The following MEI1 variants were observed in gnomAD, a reference collection of about 807,000 sequenced individuals.
The protein encoded by MEI1 is meiotic double-stranded break formation protein 1.
In MEI1, 103 loss-of-function variants were observed where a neutral mutation model predicts 146.2. That is an observed-to-expected ratio of 0.70 (90% CI 0.60 to 0.83). The LOEUF is 0.83. Among genes scored for constraint, MEI1 ranks in the 40% least tolerant of loss-of-function variants. The pLI is 0.00. For missense variants in MEI1, 1,529 were observed against 1,533.0 expected (o/e 1.00, Z 0.04); for synonymous variants, 652 against 628.2 (o/e 1.04, Z -0.57).
rs1395250427 is a variant in MEI1 at position 41,699,554 on chromosome 22, G to A, written c.16G>A (p.Ala6Thr). 1.2e-6 allele frequency: 2 copies of A among 1,611,634 alleles called. No homozygotes were observed. The highest frequency in any genetic ancestry group is 1.3e-5 in the African/African-American group (1 of 74,836). MAVRQ[A>T]ATAGTPGPRR... ...AAGCGAGGAGATGGCTGTGAGGCAG[G>A]CGGCGACGGCGGGCACTCCCGGGCC... Residue 6 changes from alanine to threonine, a missense_variant, in exon 1 of 31, where the codon GCG becomes ACG. Ala to Thr is a moderately conservative substitution (Grantham distance 58, BLOSUM62 0). This residue lies in a region of MEI1 where 1,212 missense variants were observed against 1,178.9 expected (regional missense o/e 1.03). Transcript: ENST00000401548.
chr22:41,734,212 G>A (rs2072122532), intron 11 of MEI1, among the ~76,000 whole-genome samples: 1 of 152,232 alleles, frequency 6.6e-6, no homozygotes, highest in Admixed American at 6.5e-5. Flanking sequence ...ACCATTTTAT[G>A]TAAGGAGCTT....
intron 14 of MEI1, 113 bp from the exon 15 acceptor site, chr22:41,747,994 G>T (rs916040287): frequency 7.0e-6 from 5 of 710,916 alleles, no homozygotes; most frequent in South Asian, 3.4e-5. Flanking sequence ...CCTAGCTTTT[G>T]TTGTGTCTTT....
intron 11 of MEI1, among the ~76,000 whole-genome samples, chr22:41,733,985 G>A (rs545797582): frequency 4.6e-5 from 7 of 151,620 alleles, no homozygotes; most frequent in South Asian, 4.2e-4. Flanking sequence ...AAAATTAGCC[G>A]GATGTGGTGT....
rs868043945 is a variant in MEI1 at position 41,786,012 on chromosome 22, G to A, written c.3345+1229G>A. 8.1e-4 allele frequency among the ~76,000 whole-genome samples: 117 copies of A among 144,424 alleles called. 3 individuals carry two copies. In the South Asian group the frequency reaches 0.018, roughly 22 times the overall value. 94.7% of individuals were successfully genotyped at this position (144,424 alleles called of 152,430 possible). On this transcript the variant is annotated intron_variant, in intron 26 of 30. Transcript: ENST00000401548. Reference sequence around the variant, plus strand: ...TGCAAGCTCCGCCTCCCGGGTTCACGCCATTCTCCTGCCTCAGCCTCCCGA... The same window carrying A: ...TGCAAGCTCCGCCTCCCGGGTTCACACCATTCTCCTGCCTCAGCCTCCCGA...
rs142109936 is a variant in MEI1, at chr22:41,746,642, T to C, written c.1680+616T>C. Among the ~76,000 whole-genome samples, 13 of 152,314 alleles carry C rather than the reference T, an allele frequency of 8.5e-5. No individual in the cohort carries two copies. In the East Asian group the frequency reaches 2.5e-3, roughly 29 times the overall value. ...AGGGCCAAGAGCTGCTGACTCTGGGTAACCTTGGATGAGTAACCTCCTGCT... is the reference window on the plus strand; with the variant it reads ...AGGGCCAAGAGCTGCTGACTCTGGGCAACCTTGGATGAGTAACCTCCTGCT... On this transcript the variant is annotated intron_variant, in intron 14 of 30. Transcript: ENST00000401548.
chr22:41,714,146 A>G, intron 4 of MEI1, 71 bp downstream of exon 4: 1 of 1,420,216 alleles, frequency 7.0e-7, no homozygotes, highest in Non-Finnish European at 9.7e-7. Flanking sequence ...AACCCTTTGA[A>G]CAAATGAGAG....
At chr22:41,709,406 A>G (rs986062923) in intron 3 of MEI1, 7 of 704,790 alleles carry the variant, frequency 9.9e-6, no homozygotes, top group African/African-American at 7.1e-5. Context: ...TTTGCAGACA[A>G]CCTTGTGGAT....
In MEI1 at chr22:41,716,355, C is replaced by CTTTTTTTTTT. The variant is rs6147630; in HGVS notation, c.529+238_529+247dup. Among the ~76,000 whole-genome samples, 87 of 118,562 alleles carry CTTTTTTTTTT rather than the reference C, an allele frequency of 7.3e-4. 1 individual carries two copies. The highest frequency in any genetic ancestry group is 1.1e-3 in the Non-Finnish European group (66 of 58,678). 77.8% of individuals were successfully genotyped at this position (118,562 alleles called of 152,430 possible). A position where few individuals can be genotyped will look rare whatever the true frequency, so the allele number is the denominator to read the frequency against. On this transcript the variant is annotated intron_variant, in intron 5 of 30. Transcript: ENST00000401548. ...TATTCTTGGACTATTTCCATTCATTCTTTTTTTTTTTTTTTTTTTTTTTTT... is the reference window on the plus strand; with the variant it reads ...TATTCTTGGACTATTTCCATTCATTCTTTTTTTTTTTTTTTTTTTTTTTTTTTTTTTTTTT...
chr22:41,726,519 AAG>A (rs1221883605), intron 7 of MEI1, among the ~76,000 whole-genome samples: 1 of 152,240 alleles, frequency 6.6e-6, no homozygotes, highest in Non-Finnish European at 1.5e-5. Flanking sequence ...AACTTCAAAA[AAG>A]AATATTTATT....
At chr22:41,789,364 A>G (rs984731826) in intron 26 of MEI1, among the ~76,000 whole-genome samples, 1 of 152,140 alleles carries the variant, frequency 6.6e-6, no homozygotes, top group African/African-American at 2.4e-5. Context: ...ATATCTCACT[A>G]TGTTGTCCAG....
chr22:41,737,918 AAT>A lies in MEI1; in HGVS notation c.1332-5160_1332-5159del, dbSNP rs1491214521. 7.9e-4 allele frequency among the ~76,000 whole-genome samples: 120 copies of A among 151,590 alleles called. 4 individuals carry two copies. In the South Asian group the frequency reaches 0.025, roughly 31 times the overall value. The stretch of plus-strand genomic sequence containing the variant: ...CAAGGTGCTTGAAATCTTAAAAAAT[AAT>A]AATAATAACCGAGGAAACCCATATT... On this transcript the variant is annotated intron_variant, in intron 11 of 30. Coordinates refer to ENST00000401548, the MANE Select transcript of MEI1 (RefSeq NM_152513.4).
rs183465473 is a variant in MEI1, at chr22:41,763,251, C to T, written c.2198C>T (p.Pro733Leu). The T allele has an allele frequency of 8.1e-6, 13 of 1,613,932 alleles. No homozygotes were observed. The highest frequency in any genetic ancestry group is 6.7e-5 in the Admixed American group (4 of 60,020). The part of the protein sequence containing the change: ...LSLQDQGERP[P>L]LVVFKASIYL... ...CTGCAGGACCAGGGCGAGCGCCCCC[C>T]ACTGGTGGTCTTCAAAGCCTCCATC... is the stretch of plus-strand genomic sequence containing the variant. The change falls in exon 19 of 31, where the codon CCA (proline) becomes CTA (leucine). Residue 733 changes from proline to leucine, a missense_variant. Physicochemically the swap from Pro to Leu is moderately conservative, Grantham distance 98. Transcript: ENST00000401548.
At position 41,752,211 on chromosome 22, in the gene MEI1, T is replaced by C. The variant is rs148676057; in HGVS notation, c.1793-380T>C. 3.5e-3 allele frequency among the ~76,000 whole-genome samples: 538 copies of C among 152,296 alleles called. 6 individuals carry two copies. The highest frequency in any genetic ancestry group is 5.8e-3 in the Admixed American group (88 of 15,284). Reference sequence around the variant, plus strand: ...GAAACTGGATTGTTTTCTATAAAACTGAAAGAAGGGATAGAAGGAGCAGAT... The same window carrying C: ...GAAACTGGATTGTTTTCTATAAAACCGAAAGAAGGGATAGAAGGAGCAGAT... On this transcript the variant is annotated intron_variant, in intron 15 of 30. Transcript: ENST00000401548.
intron 4 of MEI1, among the ~76,000 whole-genome samples, chr22:41,714,749 T>C (rs1216602393): frequency 6.6e-6 from 1 of 150,848 alleles, no homozygotes; most frequent in Non-Finnish European, 1.5e-5. Context: ...GGCGTGGTGG[T>C]GCATGCAAGT....
At position 41,729,526 on chromosome 22, in the gene MEI1, C is replaced by A. The variant is rs925099602; in HGVS notation, c.865-139C>A. The A allele has an allele frequency of 1.1e-4, 76 of 671,130 alleles. No homozygotes were observed. The African/African-American group carries it at 1.2e-3, about 10-fold the overall frequency. The allele number at this position is 671,130 out of a possible 1,614,324, so 41.6% of individuals were successfully genotyped here. On this transcript the variant is annotated intron_variant, in intron 7 of 30. Transcript: ENST00000401548. ...CCATAATCCATAACTGCTCTCCTGA[C>A]CACCATCCTTGTGCCTGGTGCCATG...
intron 20 of MEI1, among the ~76,000 whole-genome samples, chr22:41,772,234 A>C (rs979833032): frequency 2.0e-5 from 3 of 151,822 alleles, no homozygotes; most frequent in Non-Finnish European, 4.4e-5. Context: ...ATTTATTTTT[A>C]TTTTTTTTCT....
intron 17 of MEI1, among the ~76,000 whole-genome samples, chr22:41,756,566 C>G (rs2074105957): frequency 6.6e-6 from 1 of 152,022 alleles, no homozygotes; most frequent in South Asian, 2.1e-4. Context: ...CTCCACCTCC[C>G]GGGTTCAAGC....
In MEI1 at chr22:41,702,741, G is replaced by A. The variant is rs5751138; in HGVS notation, c.175-590G>A. On this transcript the variant is annotated intron_variant, in intron 1 of 30. Coordinates refer to ENST00000401548, the MANE Select transcript of MEI1 (RefSeq NM_152513.4). ...ATTACAGGCGTGAGCCACCATGCCC[G>A]GCCTCTGAACACACTTTTCTTTTCT... Among the ~76,000 whole-genome samples the A allele has an allele frequency of 2.4e-3, 358 of 152,044 alleles. 9 individuals carry two copies. The East Asian group carries it at 0.059, about 25-fold the overall frequency.
chr22:41,775,499 C>T (rs1489220531), intron 20 of MEI1, among the ~76,000 whole-genome samples: 2 of 152,044 alleles, frequency 1.3e-5, no homozygotes, highest in Non-Finnish European at 1.5e-5. Context: ...CAAATTCTGT[C>T]TGTGCCACTG....
Sources: allele counts gnomAD v4.1 joint callset (sites outside exome capture counted in the v4.1 genomes callset), GRCh38; gene constraint gnomAD v4.1.1; regional missense constraint gnomAD v4.1.1; transcripts MANE v1.5; gene names NCBI Gene and HGNC (gene_info 2026-07-23, HGNC 2026-07-21).